The following HIVEP1 variants were observed in gnomAD, a reference collection of about 807,000 sequenced individuals.
HIVEP1 encodes the protein HIVEP zinc finger 1, also known as zinc finger protein 40.
HIVEP1 carries 36 observed loss-of-function variants against 180.0 expected under a neutral mutation model. The ratio of observed to expected loss-of-function variants is 0.20; its 90% CI spans 0.15 to 0.26. HIVEP1 has a LOEUF of 0.26. Among genes scored for constraint, HIVEP1 ranks in the 10% least tolerant of loss-of-function variants. The pLI is 1.00. For missense variants in HIVEP1, 3,143 were observed against 3,268.7 expected (o/e 0.96, Z 0.94); for synonymous variants, 1,239 against 1,239.0 (o/e 1.00, Z 0.00).
chr6:12,130,990 G>GCGTTTTCTTT, intron 6 of HIVEP1, 48 bp downstream of exon 6: 1 of 1,399,728 alleles, frequency 7.1e-7, no homozygotes, highest in Admixed American at 2.0e-5. Flanking sequence ...GTATTTAGGT[G>GCGTTTTCTTT]GGAAAGCTAA....
chr6:12,182,745 A>G, the HIVEP1 span, among the ~76,000 whole-genome samples: 2 of 152,208 alleles, frequency 1.3e-5, no homozygotes, highest in African/African-American at 4.8e-5. Context: ...CTGCATCAAA[A>G]GAGTCTTGCG....
chr6:12,210,472 A>G, the HIVEP1 span, among the ~76,000 whole-genome samples: 2 of 152,214 alleles, frequency 1.3e-5, no homozygotes, highest in East Asian at 1.9e-4. Flanking sequence ...AGAGTAGTTT[A>G]AAGTTGCTAG....
intron 2 of HIVEP1, among the ~76,000 whole-genome samples, chr6:12,050,698 G>A (rs1315499416): frequency 3.9e-5 from 6 of 151,932 alleles, no homozygotes; most frequent in Admixed American, 6.6e-5. Flanking sequence ...TCTCGCAGTC[G>A]GGCCCTGTCA....
At chr6:12,179,288 G>A in the HIVEP1 span, among the ~76,000 whole-genome samples, 5 of 152,162 alleles carry the variant, frequency 3.3e-5, no homozygotes, top group Admixed American at 2.0e-4. Context: ...TGATAATGGA[G>A]CAGGTGGCTT....
At chr6:12,012,125 G>T (rs1034991678), upstream of HIVEP1, 4 of 143,388 alleles carry the variant, frequency 2.8e-5, no homozygotes, top group African/African-American at 1.0e-4. Flanking sequence ...CCCCGCCGCG[G>T]CGCGCGCCCC....
intron 7 of HIVEP1, among the ~76,000 whole-genome samples, chr6:12,141,123 G>A (rs1365834282): frequency 6.6e-6 from 1 of 152,170 alleles, no homozygotes; most frequent in African/African-American, 2.4e-5. Context: ...CAGAGAGAAA[G>A]GTCGGGTCAC....
intron 5 of HIVEP1, 91 bp downstream of exon 5, chr6:12,129,983 T>G (rs938692074): frequency 2.4e-6 from 2 of 820,136 alleles, no homozygotes; most frequent in Non-Finnish European, 4.0e-6. Context: ...TAGTGCCAAT[T>G]TAGTATCGAT....
At position 12,146,160 on chromosome 6, in the gene HIVEP1, C is replaced by T. The variant is rs1333755073; in HGVS notation, c.6487+10268C>T. 3.9e-5 allele frequency among the ~76,000 whole-genome samples: 6 copies of T among 152,218 alleles called. No individual in the cohort carries two copies. The East Asian group carries it at 5.8e-4, about 15-fold the overall frequency. Reference sequence around the variant, plus strand: ...TATTAATTTTCGAATTAGATATAGTCGGCCGGGTGCAGTGGCTCACACCTG... The same window carrying T: ...TATTAATTTTCGAATTAGATATAGTTGGCCGGGTGCAGTGGCTCACACCTG... On this transcript the variant is annotated intron_variant, in intron 7 of 8. Transcript: ENST00000379388.
chr6:12,079,933 C>CATCTATCTATCTATCT (rs60204350), intron 2 of HIVEP1, among the ~76,000 whole-genome samples: 95 of 149,252 alleles, frequency 6.4e-4, no homozygotes, highest in East Asian at 1.8e-3. Flanking sequence ...TTCCTGATGG[C>CATCTATCTATCTATCT]ATCTATCTAT....
chr6:12,124,796 G>A lies in HIVEP1; in HGVS notation c.5001G>A (p.Gln1667=). The change falls in exon 4 of 9, where the codon CAG becomes CAA. Residue 1667 remains glutamine (Q), a synonymous_variant. Coordinates refer to ENST00000379388, the MANE Select transcript of HIVEP1 (RefSeq NM_002114.4). ...QILVTQDLPN[Q]PICQTNHSVV... ...TAGTGACCCAAGATCTGCCCAATCA[G>A]CCAATTTGCCAGACTAATCATAGTG... The A allele has an allele frequency of 6.2e-7, 1 of 1,614,164 alleles. No homozygotes were observed. The highest frequency in any genetic ancestry group is 1.1e-5 in the South Asian group (1 of 91,088).
chr6:12,136,526 C>T (rs1478369969), intron 7 of HIVEP1, among the ~76,000 whole-genome samples: 1 of 152,118 alleles, frequency 6.6e-6, no homozygotes, highest in Non-Finnish European at 1.5e-5. Flanking sequence ...GCATTTAATC[C>T]CCCTCTTGTT....
chr6:12,018,331 C>A (rs916726651), intron 2 of HIVEP1, among the ~76,000 whole-genome samples: 4 of 152,198 alleles, frequency 2.6e-5, no homozygotes, highest in Non-Finnish European at 5.9e-5. Flanking sequence ...GGAAGGGGAT[C>A]CCACAGTGCA....
chr6:12,141,678 A>C (rs1168258047), intron 7 of HIVEP1, among the ~76,000 whole-genome samples: 1 of 136,432 alleles, frequency 7.3e-6, no homozygotes, highest in Non-Finnish European at 1.6e-5. Flanking sequence ...AGATCTACCA[A>C]GCAAATGGAA....
chr6:12,070,180 G>A (rs933401895), intron 2 of HIVEP1, among the ~76,000 whole-genome samples: 1 of 152,112 alleles, frequency 6.6e-6, no homozygotes, highest in Admixed American at 6.5e-5. Context: ...AGTAGAAGGA[G>A]TACAGTCTAA....
chr6:12,117,387 CA>C (rs1465006281), intron 3 of HIVEP1, among the ~76,000 whole-genome samples: 1 of 152,152 alleles, frequency 6.6e-6, no homozygotes, highest in East Asian at 1.9e-4. Flanking sequence ...TTCCATTTAA[CA>C]TATGTGTTTT....
Position 12,025,538 on chromosome 6 carries a change from A to C in HIVEP1, c.40+9870A>C, listed in dbSNP as rs894393936. Reference sequence around the variant, plus strand: ...TGGAGAATGGCAGTGTTTAAGTGGGAATCTCCGCCTAACAGTTGAAATTTC... The same window carrying C: ...TGGAGAATGGCAGTGTTTAAGTGGGCATCTCCGCCTAACAGTTGAAATTTC... On this transcript the variant is annotated intron_variant, in intron 2 of 8. Transcript: ENST00000379388. Among the ~76,000 whole-genome samples the C allele has an allele frequency of 1.1e-4, 16 of 152,200 alleles. 1 individual carries two copies. The highest frequency in any genetic ancestry group is 3.6e-4 in the African/African-American group (15 of 41,458).
intron 2 of HIVEP1, among the ~76,000 whole-genome samples, chr6:12,059,604 T>G (rs1028811988): frequency 1.3e-5 from 2 of 152,214 alleles, no homozygotes; most frequent in African/African-American, 4.8e-5. Flanking sequence ...GCCACCTACC[T>G]GGGGTTCTCC....
chr6:12,199,518 T>C, the HIVEP1 span, among the ~76,000 whole-genome samples: 1 of 152,006 alleles, frequency 6.6e-6, no homozygotes, highest in African/African-American at 2.4e-5. Flanking sequence ...CCCACCACCA[T>C]GCCCGGCTAA....
Position 12,120,659 on chromosome 6 carries a change from A to T in HIVEP1, c.864A>T (p.Glu288Asp), listed in dbSNP as rs1383097638. 6.2e-7 allele frequency: 1 copy of T among 1,614,104 alleles called. No homozygotes were observed. Among genetic ancestry groups the T allele is most frequent in the South Asian group, 1.1e-5 (1 of 91,088 alleles). The change falls in exon 4 of 9, where the codon GAA becomes GAT. Residue 288 changes from glutamate (E) to aspartate (D), a missense_variant. Transcript: ENST00000379388. Reference sequence around the variant, plus strand: ...CTTCTCATTTGTATCATCAACATGAACACTTTGTTCCCAAATCCAACCAAC... The same window carrying T: ...CTTCTCATTTGTATCATCAACATGATCACTTTGTTCCCAAATCCAACCAAC... ...QSASHLYHQH[E>D]HFVPKSNQHN...
Sources: gnomAD v4.1 joint callset for allele counts (sites outside exome capture counted in the v4.1 genomes callset) on GRCh38, gnomAD v4.1.1 for gene constraint, MANE v1.5 for transcripts, NCBI Gene and HGNC (gene_info 2026-07-23, HGNC 2026-07-21) for gene names.